The following ZFAND3 variants were observed in gnomAD, a reference collection of about 807,000 sequenced individuals.
ZFAND3 encodes the protein zinc finger AN1-type containing 3.
ZFAND3 carries 10 observed loss-of-function variants against 29.6 expected under a neutral mutation model. The observed-to-expected ratio is 0.34, with a 90% CI of 0.21 to 0.57. ZFAND3 has a LOEUF of 0.57. Among genes scored for constraint, ZFAND3 ranks in the 20% least tolerant of loss-of-function variants. The pLI is 0.86. For synonymous variants in ZFAND3, 128 were observed against 112.6 expected (o/e 1.14, Z -0.87); for missense variants, 230 against 304.5 (o/e 0.76, Z 1.82).
At position 37,897,766 on chromosome 6, in the gene ZFAND3, C is replaced by T. The variant is rs572428468; in HGVS notation, c.72-32193C>T. The stretch of plus-strand genomic sequence containing the variant: ...AACTGTTTTCCATTTTTTTATTGAC[C>T]GCATAGATGTCTGCATTTTTGAAGT... On this transcript the variant is annotated intron_variant, in intron 1 of 5. Coordinates refer to ENST00000287218, the MANE Select transcript of ZFAND3 (RefSeq NM_021943.3). Among the ~76,000 whole-genome samples, 8 of 152,130 alleles carry T rather than the reference C, an allele frequency of 5.3e-5. No homozygotes were observed. The South Asian group carries it at 1.2e-3, about 24-fold the overall frequency.
At chr6:37,968,872 T>A (rs1327396674) in intron 2 of ZFAND3, among the ~76,000 whole-genome samples, 3 of 152,234 alleles carry the variant, frequency 2.0e-5, no homozygotes, top group African/African-American at 7.2e-5. Context: ...TGTCCAGTAA[T>A]CTGCGAACAT....
chr6:37,909,161 C>T (rs1455671766), intron 1 of ZFAND3, among the ~76,000 whole-genome samples: 1 of 152,040 alleles, frequency 6.6e-6, no homozygotes, highest in Non-Finnish European at 1.5e-5. Flanking sequence ...ACATTGATAA[C>T]TCGATTGCAC....
chr6:38,021,559 C>T (rs893717598), intron 2 of ZFAND3, among the ~76,000 whole-genome samples: 3 of 152,136 alleles, frequency 2.0e-5, no homozygotes, highest in African/African-American at 7.2e-5. Flanking sequence ...GAAGGTTCTC[C>T]CTTCTTCCAA....
chr6:38,130,938 T>G (rs1419567555), intron 5 of ZFAND3, among the ~76,000 whole-genome samples: 2 of 152,198 alleles, frequency 1.3e-5, no homozygotes, highest in Non-Finnish European at 2.9e-5. Flanking sequence ...CGTCTGGTCT[T>G]GGACTTTTTT....
intron 2 of ZFAND3, among the ~76,000 whole-genome samples, chr6:37,962,139 A>G (rs764454357): frequency 1.3e-5 from 2 of 152,236 alleles, no homozygotes; most frequent in East Asian, 3.8e-4. Context: ...TCAGAATTAT[A>G]TCAGATAAAT....
At chr6:37,908,824 T>A (rs574341260) in intron 1 of ZFAND3, among the ~76,000 whole-genome samples, 10 of 152,226 alleles carry the variant, frequency 6.6e-5, no homozygotes, top group Admixed American at 2.0e-4. Context: ...ACTTTCTCTT[T>A]GTATTAAGTA....
chr6:38,014,355 T>G (rs1163147077), intron 2 of ZFAND3, among the ~76,000 whole-genome samples: 2 of 151,594 alleles, frequency 1.3e-5, no homozygotes, highest in Non-Finnish European at 2.9e-5. Context: ...AGATGGAGTT[T>G]CACTCTTGTC....
intron 1 of ZFAND3, among the ~76,000 whole-genome samples, chr6:37,918,162 T>C (rs1002604209): frequency 6.6e-6 from 1 of 151,488 alleles, no homozygotes; most frequent in African/African-American, 2.4e-5. Context: ...CTGCAAGCTC[T>C]GCCTCACGGG....
chr6:38,005,311 G>A (rs911907595), intron 2 of ZFAND3, among the ~76,000 whole-genome samples: 39 of 152,196 alleles, frequency 2.6e-4, no homozygotes, highest in African/African-American at 9.2e-4. Context: ...TCAAAGATGG[G>A]TTTTAATATC....
chr6:38,037,123 A>G (rs1371826463), intron 2 of ZFAND3, among the ~76,000 whole-genome samples: 1 of 152,210 alleles, frequency 6.6e-6, no homozygotes, highest in African/African-American at 2.4e-5. Flanking sequence ...TCTTTGAGCT[A>G]CTCAATCTTT....
intron 1 of ZFAND3, among the ~76,000 whole-genome samples, chr6:37,925,588 C>T (rs905949966): frequency 2.6e-5 from 4 of 151,780 alleles, no homozygotes; most frequent in Non-Finnish European, 1.5e-5. Flanking sequence ...CCTGTAATCC[C>T]AGCTACCTGG....
chr6:38,012,704 G>T (rs1392823917), intron 2 of ZFAND3, among the ~76,000 whole-genome samples: 1 of 152,128 alleles, frequency 6.6e-6, no homozygotes, highest in East Asian at 1.9e-4. Flanking sequence ...TTTATGTGAT[G>T]AGGTGTGCAG....
chr6:37,943,353 TCTC>T (rs1273539895), intron 2 of ZFAND3, among the ~76,000 whole-genome samples: 1 of 152,146 alleles, frequency 6.6e-6, no homozygotes, highest in Non-Finnish European at 1.5e-5. Context: ...GCTTCCATCT[TCTC>T]CTCAACACTG....
intron 2 of ZFAND3, among the ~76,000 whole-genome samples, chr6:37,955,509 G>A (rs1762072567): frequency 6.6e-6 from 1 of 152,168 alleles, no homozygotes; most frequent in South Asian, 2.1e-4. Flanking sequence ...TTAAAGTGAT[G>A]GAGCACCCCA....
At chr6:37,868,458 T>C (rs1389566219) in intron 1 of ZFAND3, among the ~76,000 whole-genome samples, 3 of 152,118 alleles carry the variant, frequency 2.0e-5, no homozygotes, top group African/African-American at 7.2e-5. Context: ...ACATGGCCAT[T>C]GTAGTGGGAA....
At chr6:37,825,108 A>C (rs1157820146) in intron 1 of ZFAND3, among the ~76,000 whole-genome samples, 1 of 143,820 alleles carries the variant, frequency 7.0e-6, no homozygotes, top group Non-Finnish European at 1.5e-5. Context: ...TAGATCATCT[A>C]GCTAGTGTGC....
chr6:37,938,064 A>G (rs541458599), intron 2 of ZFAND3, among the ~76,000 whole-genome samples: 2 of 152,350 alleles, frequency 1.3e-5, no homozygotes, highest in Admixed American at 6.5e-5. Context: ...CTCAGAGACA[A>G]CTACTCTCCT....
chr6:37,978,344 T>G (rs1421108707), intron 2 of ZFAND3, among the ~76,000 whole-genome samples: 2 of 152,216 alleles, frequency 1.3e-5, no homozygotes, highest in Non-Finnish European at 2.9e-5. Flanking sequence ...AAAATTTTGC[T>G]TAGAATTTTT....
chr6:38,107,371 TC>T (rs981651430), intron 4 of ZFAND3, among the ~76,000 whole-genome samples: 1 of 152,182 alleles, frequency 6.6e-6, no homozygotes, highest in African/African-American at 2.4e-5. Context: ...AGCATTCTTC[TC>T]CCCAACTGCA....
Sources: gnomAD v4.1 joint callset for allele counts (sites outside exome capture counted in the v4.1 genomes callset) on GRCh38, gnomAD v4.1.1 for gene constraint, MANE v1.5 for transcripts, NCBI Gene and HGNC (gene_info 2026-07-23, HGNC 2026-07-21) for gene names.